RHPN1: variants seen among roughly 807,000 people sequenced by gnomAD.
RHPN1 encodes the protein rhophilin Rho GTPase binding protein 1.
In RHPN1, 77 loss-of-function variants were observed where a neutral mutation model predicts 74.7. The ratio of observed to expected loss-of-function variants is 1.03; its 90% CI spans 0.86 to 1.25. The LOEUF (loss-of-function observed/expected upper bound fraction) is 1.25, where lower values mean the gene tolerates loss of function less well. Ranked by LOEUF, RHPN1 falls within the 50% of genes most tolerant of loss-of-function variation. The pLI, the probability that RHPN1 is intolerant of heterozygous loss-of-function variation, is 0.00. For missense variants in RHPN1, 987 were observed against 932.2 expected, an observed-to-expected ratio of 1.06 and a Z score of -0.77; for synonymous variants, 444 against 414.5, an observed-to-expected ratio of 1.07 and a Z score of -0.87.
At chr8:143,375,920 C>A (rs1446221113) in intron 2 of RHPN1, among the ~76,000 whole-genome samples, 2 of 152,248 alleles carry the variant, frequency 1.3e-5, no homozygotes, top group East Asian at 1.9e-4. Context: ...CTTGGGAAGC[C>A]CCAACAGTGC....
rs2130611851 is a variant in RHPN1, at chr8:143,381,641, G to A, written c.1558G>A (p.Glu520Lys). ...GGGGCCCGTCCACCTGACCCGAGGA[G>A]AGGGCGGCTTTGGCCTCACGCTTCG... is the stretch of plus-strand genomic sequence containing the variant. Reference protein sequence around the residue: ...LVGPVHLTRGEGGFGLTLRGD... With the variant: ...LVGPVHLTRGKGGFGLTLRGD... The change falls in exon 13 of 15, where the codon GAG (glutamate) becomes AAG (lysine). Residue 520 changes from glutamate (E) to lysine (K), a missense_variant. Transcript: ENST00000289013. 6.2e-7 allele frequency: 1 copy of A among 1,611,204 alleles called. No individual in the cohort carries two copies. Among genetic ancestry groups the A allele is most frequent in the Non-Finnish European group, 8.5e-7 (1 of 1,179,332 alleles).
In RHPN1 at chr8:143,381,976, C is replaced by T. The variant is rs536101330; in HGVS notation, c.1797+8C>T. On this transcript the variant is annotated splice_region_variant and intron_variant, in intron 14 of 14. Transcript: ENST00000289013. ...TCTAGACTGCCCAGCTTGGTGAGCC[C>T]CTGGGGCCCCAGAGGGGCGGTCCCC... The T allele has an allele frequency of 8.9e-6, 14 of 1,571,128 alleles. No individual in the cohort carries two copies. In the East Asian group the frequency reaches 2.3e-4, roughly 25 times the overall value.
At position 143,382,646 on chromosome 8, in the gene RHPN1, C is replaced by T. The variant is rs772022690; in HGVS notation, c.2008C>T (p.Pro670Ser). The change falls in exon 15 of 15, where the codon CCG becomes TCG. Residue 670 changes from proline to serine, a missense_variant. Transcript: ENST00000289013. Reference protein sequence around the residue: ...PPSSLKHPGWP With the variant: ...PPSSLKHPGWS Reference sequence around the variant, plus strand: ...CTCATCCTTGAAGCACCCAGGGTGGCCGTGAGGGCCAGGATCCCTGCACGC... The same window carrying T: ...CTCATCCTTGAAGCACCCAGGGTGGTCGTGAGGGCCAGGATCCCTGCACGC... The T allele has an allele frequency of 6.2e-7, 1 of 1,608,530 alleles. No individual in the cohort carries two copies. The highest frequency in any genetic ancestry group is 1.7e-5 in the Admixed American group (1 of 59,958).
In RHPN1 at chr8:143,382,753, T is replaced by TCCAG; in HGVS notation, c.*103_*104insCAGC. 4 of 1,039,576 alleles carry TCCAG rather than the reference T, an allele frequency of 3.8e-6. No homozygotes were observed. Among genetic ancestry groups the TCCAG allele is most frequent in the Non-Finnish European group, 5.5e-6 (4 of 720,860 alleles). The allele number at this position is 1,039,576 out of a possible 1,614,324, so 64.4% of individuals were successfully genotyped here. A position where few individuals can be genotyped will look rare whatever the true frequency, so the allele number is the denominator to read the frequency against. ...ACCTCCGGGCAATGCCTGTCCCGCC[T>TCCAG]CATGCTGGAGGCTGCCTCGGGCACC... is the stretch of plus-strand genomic sequence containing the variant. On this transcript the variant is annotated 3_prime_UTR_variant, in exon 15 of 15. Coordinates refer to ENST00000289013, the MANE Select transcript of RHPN1 (RefSeq NM_052924.3).
At chr8:143,375,348 T>C (rs951412359) in intron 1 of RHPN1, among the ~76,000 whole-genome samples, 1 of 152,222 alleles carries the variant, frequency 6.6e-6, no homozygotes, top group African/African-American at 2.4e-5. Flanking sequence ...TCCTTCTGCA[T>C]TGACTGCCTC....
intron 12 of RHPN1, 54 bp from the exon 13 acceptor site, chr8:143,381,518 G>T: frequency 6.4e-7 from 1 of 1,560,466 alleles, no homozygotes; most frequent in East Asian, 2.3e-5. Flanking sequence ...TAGTCAGGCG[G>T]GGTCTCCTCA....
In RHPN1 at chr8:143,376,724, T is replaced by C. The variant is rs946544376; in HGVS notation, c.305+71T>C. 9.4e-6 allele frequency: 14 copies of C among 1,485,702 alleles called. No individual in the cohort carries two copies. In the Admixed American group the frequency reaches 9.9e-5, roughly 11 times the overall value. 92.0% of individuals were successfully genotyped at this position (1,485,702 alleles called of 1,614,324 possible). On this transcript the variant is annotated intron_variant, in intron 3 of 14. Transcript: ENST00000289013. ...GTGTGCGTGTGTGTGTGCATGTGTG[T>C]GCACGCATGTGTGTCTCTGTGTGTA...
intron 11 of RHPN1, 102 bp downstream of exon 11, chr8:143,380,885 C>T (rs998917327): frequency 1.0e-5 from 10 of 989,698 alleles, no homozygotes; most frequent in Admixed American, 5.8e-5. Context: ...GCAGTCACCA[C>T]GATGAATTAA....
Position 143,377,371 on chromosome 8 carries a change from T to A in RHPN1, c.306-9T>A, listed in dbSNP as rs532960528. On this transcript the variant is annotated splice_polypyrimidine_tract_variant and intron_variant, in intron 3 of 14. Coordinates refer to ENST00000289013, the MANE Select transcript of RHPN1 (RefSeq NM_052924.3). ...CCTTACAGTCTGAAGTCGATGCTTCTGGTTACAGCGAAGCTGTCACTGTCC... is the reference window on the plus strand; with the variant it reads ...CCTTACAGTCTGAAGTCGATGCTTCAGGTTACAGCGAAGCTGTCACTGTCC... 1 of 1,611,656 alleles carries A rather than the reference T, an allele frequency of 6.2e-7. No individual in the cohort carries two copies. Among genetic ancestry groups the A allele is most frequent in the East Asian group, 2.2e-5 (1 of 44,874 alleles).
At chr8:143,371,472 G>T (rs1039447770) in intron 1 of RHPN1, among the ~76,000 whole-genome samples, 2 of 152,112 alleles carry the variant, frequency 1.3e-5, no homozygotes, top group African/African-American at 4.8e-5. Flanking sequence ...CCCAGGGCCA[G>T]GGGATCCTGG....
chr8:143,379,733 G>A (rs1282575419), intron 8 of RHPN1, 96 bp from the exon 9 acceptor site: 2 of 1,479,418 alleles, frequency 1.4e-6, no homozygotes, highest in Admixed American at 2.2e-5. Context: ...GGAGGCTGCT[G>A]GGATGGTGGT....
intron 1 of RHPN1, chr8:143,374,110 C>T: frequency 1.0e-6 from 1 of 984,718 alleles, no homozygotes; most frequent in Non-Finnish European, 1.2e-6. Flanking sequence ...ATCTCGTTCA[C>T]ATTAGCAAAA....
At position 143,379,999 on chromosome 8, in the gene RHPN1, A is replaced by ACTTGCCG. The variant is rs767779471; in HGVS notation, c.1102+15_1102+16insTTGCCGC. ...GCGACGGCTCCCGTGAGTGCCCACC[A>ACTTGCCG]CACTTGCCCATGGTACTGCCAAGGC... On this transcript the variant is annotated intron_variant, in intron 9 of 14. Transcript: ENST00000289013. 6 of 1,553,968 alleles carry ACTTGCCG rather than the reference A, an allele frequency of 3.9e-6. No individual in the cohort carries two copies. The South Asian group carries it at 7.1e-5, about 18-fold the overall frequency.
rs754974375 is a variant in RHPN1, at chr8:143,381,814, G to C, written c.1643G>C (p.Gly548Ala). The change falls in exon 14 of 15, where the codon GGC becomes GCC. Residue 548 changes from glycine (G) to alanine (A), a missense_variant. Physicochemically the swap from Gly to Ala is moderately conservative, Grantham distance 60. Transcript: ENST00000289013. ...VIPGSQAAAA[G>A]LKEGDYIVSV... is the part of the protein sequence containing the mutation. ...GTCCAAGTCTCCCCACAGGCGGCTGGCCTGAAGGAGGGCGACTACATTGTG... is the reference window on the plus strand; with the variant it reads ...GTCCAAGTCTCCCCACAGGCGGCTGCCCTGAAGGAGGGCGACTACATTGTG... 5 of 1,612,422 alleles carry C rather than the reference G, an allele frequency of 3.1e-6. No homozygotes were observed. In the African/African-American group the frequency reaches 6.7e-5, roughly 22 times the overall value.
rs776942781 is a variant in RHPN1 at position 143,380,163 on chromosome 8, C to T, written c.1204C>T (p.Arg402Cys). The T allele has an allele frequency of 2.1e-5, 32 of 1,542,320 alleles. No individual in the cohort carries two copies. The highest frequency in any genetic ancestry group is 2.6e-5 in the Non-Finnish European group (30 of 1,144,610). The change falls in exon 10 of 15, where the codon CGC becomes TGC. Residue 402 changes from arginine to cysteine, a missense_variant. By Grantham distance (180) the Arg-to-Cys change is radical. Transcript: ENST00000289013. ...TGTGCTGCCGCAGGAGCTGGAGGAG[C>T]GCAGGCAGCTTGGTAAGGCGCCCAT... ...GPVLPQELEE[R>C]RQLGKAHLKR... is the part of the protein sequence containing the mutation.
chr8:143,371,958 C>T (rs767611551), intron 1 of RHPN1, among the ~76,000 whole-genome samples: 1 of 152,234 alleles, frequency 6.6e-6, no homozygotes, highest in Non-Finnish European at 1.5e-5. Flanking sequence ...GTCTACCCAG[C>T]CTCAAAGGTC....
Position 143,378,356 on chromosome 8 carries a change from T to TCGGGGGGGCG in RHPN1, c.459+11_459+12insGGGGGGGCGC. ...GGAGGCCCTGCGGCAGGTGTGTGGT[T>TCGGGGGGGCG]CCCCCGCCCACCCACCCTCCTGCAG... On this transcript the variant is annotated intron_variant, in intron 5 of 14. Coordinates refer to ENST00000289013, the MANE Select transcript of RHPN1 (RefSeq NM_052924.3). 6.6e-7 allele frequency: 1 copy of TCGGGGGGGCG among 1,525,436 alleles called. No homozygotes were observed. The highest frequency in any genetic ancestry group is 8.8e-7 in the Non-Finnish European group (1 of 1,136,348). The allele number at this position is 1,525,436 out of a possible 1,614,324, so 94.5% of individuals were successfully genotyped here.
chr8:143,378,383 C>G (rs1404333042), intron 5 of RHPN1, 37 bp downstream of exon 5: 1 of 1,441,508 alleles, frequency 6.9e-7, no homozygotes, highest in Middle Eastern at 2.4e-4. Context: ...CTCCTGCAGC[C>G]CTGGGAGACA....
At position 143,380,619 on chromosome 8, in the gene RHPN1, G is replaced by T; in HGVS notation, c.1247G>T (p.Gly416Val). ...GCACACCTGAAGCGTGCCATCCTGG[G>T]GCAGGAGGAGGCGCTGCGGCTGCAC... Reference protein sequence around the residue: ...GKAHLKRAILGQEEALRLHAL... With the variant: ...GKAHLKRAILVQEEALRLHAL... Residue 416 changes from glycine (G) to valine (V), a missense_variant, in exon 11 of 15, where the codon GGG becomes GTG. Coordinates refer to ENST00000289013, the MANE Select transcript of RHPN1 (RefSeq NM_052924.3). 3 of 1,545,816 alleles carry T rather than the reference G, an allele frequency of 1.9e-6. No homozygotes were observed. Among genetic ancestry groups the T allele is most frequent in the Non-Finnish European group, 2.6e-6 (3 of 1,144,626 alleles).
Sources: gnomAD v4.1 joint callset for allele counts (sites outside exome capture counted in the v4.1 genomes callset) on GRCh38, gnomAD v4.1.1 for gene constraint, MANE v1.5 for transcripts, NCBI Gene and HGNC (gene_info 2026-07-23, HGNC 2026-07-21) for gene names.